The following TJP2 variants were observed in gnomAD, a reference collection of about 807,000 sequenced individuals.
TJP2 encodes the protein tight junction protein 2.
TJP2 carries 91 observed loss-of-function variants against 133.1 expected under a neutral mutation model. That is an observed-to-expected ratio of 0.68 (90% CI 0.58 to 0.81). The LOEUF (loss-of-function observed/expected upper bound fraction) is 0.81, where lower values mean the gene tolerates loss of function less well. TJP2 is among the 40% of genes least tolerant of loss of function. The pLI is 0.00. For missense variants in TJP2, 1,541 were observed against 1,565.6 expected, an observed-to-expected ratio of 0.98 and a Z score of 0.26; for synonymous variants, 592 against 583.4, an observed-to-expected ratio of 1.01 and a Z score of -0.21.
upstream of TJP2, among the ~76,000 whole-genome samples, chr9:69,171,859 A>G (rs1287626518): frequency 7.8e-6 from 1 of 128,146 alleles, no homozygotes; most frequent in South Asian, 2.5e-4. Context: ...GCAGTGGTGC[A>G]ATCTCGTCTC....
intron 1 of TJP2, among the ~76,000 whole-genome samples, chr9:69,178,852 C>G (rs1825282315): frequency 6.6e-6 from 1 of 152,196 alleles, no homozygotes; most frequent in South Asian, 2.1e-4. Flanking sequence ...ACTGTATTAT[C>G]AAGTGACTCT....
At chr9:69,175,337 C>T (rs566587887) in intron 1 of TJP2, among the ~76,000 whole-genome samples, 1 of 152,230 alleles carries the variant, frequency 6.6e-6, no homozygotes, top group South Asian at 2.1e-4. Flanking sequence ...CCGGGGAATC[C>T]CAGCGGGGAG....
In TJP2 at chr9:69,149,387, C is replaced by G. The variant is rs79468074; in HGVS notation, c.-130-2264C>G. ...TTATCTTTGGAAGTAATAATAGAAA[C>G]CATGTATGGGCTGGGCTTTAATCCC... On this transcript the variant is annotated intron_variant, in intron 1 of 5. Coordinates refer to the TJP2 transcript ENST00000423935. Among the ~76,000 whole-genome samples, 501 of 152,272 alleles carry G rather than the reference C, an allele frequency of 3.3e-3. 4 individuals carry two copies. The highest frequency in any genetic ancestry group is 0.011 in the African/African-American group (463 of 41,538).
At chr9:69,179,903 C>G (rs1469904768) in intron 1 of TJP2, among the ~76,000 whole-genome samples, 1 of 152,160 alleles carries the variant, frequency 6.6e-6, no homozygotes, top group Non-Finnish European at 1.5e-5. Flanking sequence ...TGGCAAGGAT[C>G]TTATGTCACA....
chr9:69,148,754 C>T (rs1823333575), intron 1 of TJP2, among the ~76,000 whole-genome samples: 1 of 152,128 alleles, frequency 6.6e-6, no homozygotes, highest in Non-Finnish European at 1.5e-5. Context: ...TTGGCCAAAA[C>T]GAATGGCTAC....
chr9:69,145,590 C>A, intron 1 of TJP2: 1 of 563,764 alleles, frequency 1.8e-6, no homozygotes, highest in Non-Finnish European at 2.6e-6. Flanking sequence ...ATAGATCTAG[C>A]TAGGGCTACA....
chr9:69,129,353 A>C (rs1587869413), intron 1 of TJP2, among the ~76,000 whole-genome samples: 3 of 151,910 alleles, frequency 2.0e-5, no homozygotes, highest in African/African-American at 7.3e-5. Flanking sequence ...TCTACTAAAA[A>C]TATGAAAAAT....
intron 1 of TJP2, among the ~76,000 whole-genome samples, chr9:69,131,955 C>T (rs7034303): frequency 0.46 from 69,197 of 152,050 alleles, 15,848 homozygotes; most frequent in East Asian, 0.61. Context: ...TTTATTATGG[C>T]TCAAAGATGC....
intron 1 of TJP2, among the ~76,000 whole-genome samples, chr9:69,189,297 A>C (rs1025092931): frequency 1.3e-5 from 2 of 152,166 alleles, no homozygotes; most frequent in African/African-American, 2.4e-5. Flanking sequence ...CTCCACATAC[A>C]AATTTTGCTT....
chr9:69,134,955 A>G (rs1281673373), intron 1 of TJP2, among the ~76,000 whole-genome samples: 1 of 148,908 alleles, frequency 6.7e-6, no homozygotes, highest in Non-Finnish European at 1.5e-5. Flanking sequence ...GAGGAGAGAG[A>G]GAGAGAGAGA....
intron 4 of TJP2, 108 bp downstream of exon 4, chr9:69,218,467 G>A: frequency 3.7e-6 from 3 of 810,884 alleles, no homozygotes; most frequent in Non-Finnish European, 6.4e-6. Flanking sequence ...ATAACCTAGG[G>A]ACCGCTGTTC....
At chr9:69,253,289 G>T in intron 22 of TJP2, 1 of 266,048 alleles carries the variant, frequency 3.8e-6, no homozygotes, top group Non-Finnish European at 7.3e-6. Flanking sequence ...AAGTCAGACC[G>T]CTTGTGCTGC....
intron 1 of TJP2, among the ~76,000 whole-genome samples, chr9:69,196,958 C>T (rs1268402382): frequency 6.6e-6 from 1 of 151,088 alleles, no homozygotes; most frequent in African/African-American, 2.4e-5. Flanking sequence ...CACACACACA[C>T]ACACACACAC....
intron 11 of TJP2, among the ~76,000 whole-genome samples, chr9:69,234,090 C>T (rs1355834804): frequency 2.0e-5 from 3 of 152,164 alleles, no homozygotes; most frequent in African/African-American, 4.8e-5. Context: ...TCTTGGCCAC[C>T]TCTGTGAGAG....
chr9:69,166,050 T>C (rs1824335715), intron 2 of TJP2, among the ~76,000 whole-genome samples: 1 of 152,172 alleles, frequency 6.6e-6, no homozygotes, highest in Non-Finnish European at 1.5e-5. Context: ...CAAACACCAG[T>C]CTAGGGCACC....
intron 1 of TJP2, among the ~76,000 whole-genome samples, chr9:69,137,962 T>C (rs1822849517): frequency 6.6e-6 from 1 of 152,172 alleles, no homozygotes; most frequent in African/African-American, 2.4e-5. Context: ...GTTCTGTTCT[T>C]CCACAGGGTT....
intron 11 of TJP2, among the ~76,000 whole-genome samples, chr9:69,233,858 G>C (rs557465236): frequency 6.6e-6 from 1 of 152,060 alleles, no homozygotes; most frequent in Non-Finnish European, 1.5e-5. Flanking sequence ...CTTTGTAACT[G>C]TAAGGCTGAT....
chr9:69,178,562 A>G (rs1450531336), intron 1 of TJP2, among the ~76,000 whole-genome samples: 4 of 152,212 alleles, frequency 2.6e-5, no homozygotes, highest in Non-Finnish European at 4.4e-5. Context: ...CCTTCAAGAA[A>G]GTCAAACACA....
At chr9:69,236,308 C>G in intron 13 of TJP2, 70 bp downstream of exon 13, 1 of 1,509,864 alleles carries the variant, frequency 6.6e-7, no homozygotes, top group Non-Finnish European at 9.1e-7. Flanking sequence ...GACCGCCCCC[C>G]TTCCCCCGTA....
Sources: allele counts gnomAD v4.1 joint callset (sites outside exome capture counted in the v4.1 genomes callset), GRCh38; gene constraint gnomAD v4.1.1; transcripts MANE v1.5; gene names NCBI Gene and HGNC (gene_info 2026-07-23, HGNC 2026-07-21).